Variants in PRKAA2 observed in about 807,000 individuals in gnomAD.
PRKAA2 encodes 5'-AMP-activated protein kinase catalytic subunit alpha-2.
A neutral mutation model predicts 56.3 loss-of-function variants in PRKAA2; 40 were observed. That is an observed-to-expected ratio of 0.71 (90% confidence interval 0.55 to 0.92). The LOEUF (loss-of-function observed/expected upper bound fraction) is 0.92. PRKAA2 is among the 40% of genes least tolerant of loss of function. PRKAA2 has a pLI of 0.00. For missense variants in PRKAA2, 542 were observed against 686.9 expected (o/e 0.79, Z 2.36); for synonymous variants, 214 against 234.2 (o/e 0.91, Z 0.79).
At chr1:56,676,087 G>A (rs1644111015) in intron 2 of PRKAA2, among the ~76,000 whole-genome samples, 1 of 152,142 alleles carries the variant, frequency 6.6e-6, no homozygotes, top group African/African-American at 2.4e-5. Flanking sequence ...TAACCCTGTG[G>A]AGTTATATTG....
intron 2 of PRKAA2, among the ~76,000 whole-genome samples, chr1:56,682,307 T>C (rs1172646814): frequency 6.6e-6 from 1 of 151,762 alleles, no homozygotes; most frequent in African/African-American, 2.4e-5. Flanking sequence ...TGTCACAGAG[T>C]GTGACTAGGA....
chr1:56,656,340 C>T (rs953041067), intron 1 of PRKAA2, among the ~76,000 whole-genome samples: 1 of 152,046 alleles, frequency 6.6e-6, no homozygotes, highest in Admixed American at 6.5e-5. Context: ...AAAATGGTAA[C>T]CCCAGGTTTA....
chr1:56,692,028 A>ATT (rs397863487), intron 3 of PRKAA2, among the ~76,000 whole-genome samples: 17,477 of 112,564 alleles, frequency 0.16, 1,754 homozygotes, highest in African/African-American at 0.2. Context: ...GATGTCTCAG[A>ATT]TTTTTTTTTT....
In PRKAA2 at chr1:56,682,026, T is replaced by C. The variant is rs573079267; in HGVS notation, c.236+7504T>C. Among the ~76,000 whole-genome samples the C allele has an allele frequency of 3.9e-5, 6 of 152,296 alleles. No individual in the cohort carries two copies. In the East Asian group the frequency reaches 1.2e-3, roughly 29 times the overall value. On this transcript the variant is annotated intron_variant, in intron 2 of 8. Coordinates refer to ENST00000371244, the MANE Select transcript of PRKAA2 (RefSeq NM_006252.4). Reference sequence around the variant, plus strand: ...TCCATTTGTTTGTGTCCTCTTTTATTTCATTGAGCAGTGGTTTGTAGTTCT... The same window carrying C: ...TCCATTTGTTTGTGTCCTCTTTTATCTCATTGAGCAGTGGTTTGTAGTTCT...
chr1:56,706,001 C>A, intron 7 of PRKAA2, 91 bp from the exon 8 acceptor site: 1 of 1,110,594 alleles, frequency 9.0e-7, no homozygotes, highest in Non-Finnish European at 1.3e-6. Context: ...TCCTTTCCTA[C>A]CTCACCCCTA....
Position 56,646,314 on chromosome 1 carries a change from C to T in PRKAA2, c.94+833C>T, listed in dbSNP as rs57503193. Among the ~76,000 whole-genome samples the T allele has an allele frequency of 2.6e-5, 4 of 152,200 alleles. No homozygotes were observed. In the South Asian group the frequency reaches 8.3e-4, roughly 32 times the overall value. ...TTGTAAAATGGCTATGGGAAGACTT[C>T]TAGGGTAAGGGAGAGAAAAAGTTTC... On this transcript the variant is annotated intron_variant, in intron 1 of 8. Coordinates refer to ENST00000371244, the MANE Select transcript of PRKAA2 (RefSeq NM_006252.4).
intron 2 of PRKAA2, among the ~76,000 whole-genome samples, chr1:56,677,040 G>T (rs1359707164): frequency 6.6e-6 from 1 of 152,202 alleles, no homozygotes; most frequent in Non-Finnish European, 1.5e-5. Context: ...TCCAGAGTAT[G>T]TATATAGAGG....
chr1:56,707,707 C>T lies in PRKAA2; in HGVS notation c.1653C>T (p.Ala551=). The part of the protein sequence containing the change: ...EMCASLITTL[A]R ...GTGCCAGTCTGATTACTACTTTAGC[C>T]CGTTGATCTGTCTCTAGTTTCTTTC... Residue 551 remains alanine, a synonymous_variant, in exon 9 of 9, where the codon GCC becomes GCT. Transcript: ENST00000371244. 6.3e-7 allele frequency: 1 copy of T among 1,585,642 alleles called. No homozygotes were observed. The highest frequency in any genetic ancestry group is 8.7e-7 in the Non-Finnish European group (1 of 1,154,194).
intron 1 of PRKAA2, among the ~76,000 whole-genome samples, chr1:56,661,989 T>G (rs1357563674): frequency 6.6e-6 from 1 of 152,170 alleles, no homozygotes; most frequent in African/African-American, 2.4e-5. Context: ...TTAAAAGACT[T>G]TAAAATGATA....
chr1:56,695,456 A>C lies in PRKAA2; in HGVS notation c.564-479A>C, dbSNP rs200042869. On this transcript the variant is annotated intron_variant, in intron 5 of 8. Coordinates refer to ENST00000371244, the MANE Select transcript of PRKAA2 (RefSeq NM_006252.4). ...TCCGCCCGCCTCAGCCTCCCAAAGT[A>C]CTAGGATTACAGGTGTGAGCTACCG... is the stretch of plus-strand genomic sequence containing the variant. Among the ~76,000 whole-genome samples, 6 of 151,884 alleles carry C rather than the reference A, an allele frequency of 4.0e-5. No individual in the cohort carries two copies. The East Asian group carries it at 1.2e-3, about 29-fold the overall frequency.
intron 1 of PRKAA2, among the ~76,000 whole-genome samples, chr1:56,654,744 T>C (rs1387877302): frequency 6.6e-6 from 1 of 152,160 alleles, no homozygotes; most frequent in Non-Finnish European, 1.5e-5. Context: ...CTGCTAATAA[T>C]AGAAGCCTTC....
At chr1:56,677,279 G>A (rs1389371470) in intron 2 of PRKAA2, among the ~76,000 whole-genome samples, 2 of 152,152 alleles carry the variant, frequency 1.3e-5, no homozygotes, top group African/African-American at 4.8e-5. Context: ...TCACTTAACT[G>A]AAACAGTTAG....
At chr1:56,706,381 A>G (rs1644332317) in intron 8 of PRKAA2, among the ~76,000 whole-genome samples, 163 bp downstream of exon 8, 1 of 152,230 alleles carries the variant, frequency 6.6e-6, no homozygotes, top group Non-Finnish European at 1.5e-5. Context: ...GATGAAAGAC[A>G]TGTTGAATAC....
In PRKAA2 at chr1:56,710,913, G is replaced by T. The variant is rs1644365288; in HGVS notation, c.*3200G>T. 6.6e-6 allele frequency: 1 copy of T among 151,980 alleles called. No homozygotes were observed. The highest frequency in any genetic ancestry group is 6.6e-5 in the Admixed American group (1 of 15,246). The allele number at this position is 151,980 out of a possible 1,614,324, so 9.4% of individuals were successfully genotyped here. ...ACATTTTCTAAATACTTTTCTTTGG[G>T]ATACCATATGAAGATCTAATTCCTT... On this transcript the variant is annotated 3_prime_UTR_variant, in exon 9 of 9. Coordinates refer to ENST00000371244, the MANE Select transcript of PRKAA2 (RefSeq NM_006252.4).
intron 1 of PRKAA2, among the ~76,000 whole-genome samples, chr1:56,659,863 G>A (rs994679929): frequency 3.9e-5 from 6 of 152,200 alleles, no homozygotes; most frequent in East Asian, 1.9e-4. Flanking sequence ...AGCTGTGAGC[G>A]TCCTACTGCA....
chr1:56,659,783 C>T (rs1365067261), intron 1 of PRKAA2, among the ~76,000 whole-genome samples: 2 of 152,050 alleles, frequency 1.3e-5, no homozygotes, highest in Non-Finnish European at 2.9e-5. Flanking sequence ...TGGCACGTGC[C>T]TATAGTCCCA....
intron 6 of PRKAA2, among the ~76,000 whole-genome samples, chr1:56,699,225 A>C (rs1438183799): frequency 2.0e-5 from 3 of 152,212 alleles, no homozygotes; most frequent in Non-Finnish European, 4.4e-5. Context: ...GGAATATTTG[A>C]AAACCTTTTA....
In PRKAA2 at chr1:56,658,597, C is replaced by G. The variant is rs867277948; in HGVS notation, c.94+13116C>G. Among the ~76,000 whole-genome samples, 549 of 144,372 alleles carry G rather than the reference C, an allele frequency of 3.8e-3. 10 individuals carry two copies. Among genetic ancestry groups the G allele is most frequent in the African/African-American group, 0.013 (534 of 39,724 alleles). 94.7% of individuals were successfully genotyped at this position (144,372 alleles called of 152,430 possible). A position where few individuals can be genotyped will look rare whatever the true frequency, so the allele number is the denominator to read the frequency against. On this transcript the variant is annotated intron_variant, in intron 1 of 8. Coordinates refer to ENST00000371244, the MANE Select transcript of PRKAA2 (RefSeq NM_006252.4). ...TGTTTTTTTTTTTCTTCCCCCCCCC[C>G]GCCATTTTTTGTTTGTTTGTTTGTT...
chr1:56,703,907 T>C, intron 6 of PRKAA2, 64 bp from the exon 7 acceptor site: 1 of 1,468,344 alleles, frequency 6.8e-7, no homozygotes. Flanking sequence ...TATTGCCCTA[T>C]GTCTAAATTA....
Sources: gnomAD v4.1 joint callset for allele counts (sites outside exome capture counted in the v4.1 genomes callset) on GRCh38, gnomAD v4.1.1 for gene constraint, MANE v1.5 for transcripts, NCBI Gene and HGNC (gene_info 2026-07-23, HGNC 2026-07-21) for gene names.